The following FREM3 variants were observed in gnomAD, a reference collection of about 807,000 sequenced individuals.
The protein encoded by FREM3 is FRAS1-related extracellular matrix protein 3.
Under a neutral mutation model 129.1 loss-of-function variants are expected in FREM3, and 105 were observed. The observed-to-expected ratio is 0.81, with a 90% CI of 0.69 to 0.96. The LOEUF (loss-of-function observed/expected upper bound fraction) is 0.96. Ranked by LOEUF, FREM3 falls within the 40% of genes least tolerant of loss-of-function variation. The pLI is 0.00. For missense variants in FREM3, 2,593 were observed against 2,666.3 expected (o/e 0.97, Z 0.61); for synonymous variants, 1,014 against 1,044.9 (o/e 0.97, Z 0.57).
At chr4:143,664,135 C>T (rs937092230) in intron 2 of FREM3, among the ~76,000 whole-genome samples, 2 of 152,158 alleles carry the variant, frequency 1.3e-5, no homozygotes, top group African/African-American at 2.4e-5. Flanking sequence ...TGAGGAACTG[C>T]ATTCCTTTGG....
At chr4:143,693,839 G>A (rs1740518285) in intron 1 of FREM3, among the ~76,000 whole-genome samples, 1 of 152,114 alleles carries the variant, frequency 6.6e-6, no homozygotes, top group African/African-American at 2.4e-5. Context: ...GATAGAGCTG[G>A]AGGCTATTAT....
At chr4:143,584,045 C>T (rs1032492660) in intron 7 of FREM3, among the ~76,000 whole-genome samples, 1 of 152,232 alleles carries the variant, frequency 6.6e-6, no homozygotes, top group African/African-American at 2.4e-5. Flanking sequence ...GATCCAACCA[C>T]ATGCTGTCTT....
At chr4:143,595,683 C>CG (rs1738461824) in intron 6 of FREM3, among the ~76,000 whole-genome samples, 1 of 152,012 alleles carries the variant, frequency 6.6e-6, no homozygotes, top group Non-Finnish European at 1.5e-5. Flanking sequence ...GTCTGCAGAT[C>CG]AAGACCATCC....
rs777357421 is a variant in FREM3 at position 143,699,023 on chromosome 4, T to C, written c.1653A>G (p.Gly551=). 1.2e-5 allele frequency: 19 copies of C among 1,537,204 alleles called. No individual in the cohort carries two copies. The highest frequency in any genetic ancestry group is 4.8e-5 in the South Asian group (4 of 84,054). The part of the protein sequence containing the change: ...DEPPMVNTNT[G]LSLTEGQVVQ... Reference sequence around the variant, plus strand: ...CCACCTGCCCTTCAGTGAGTGAGAGTCCTGTGTTAGTATTGACCATTGGTG... The same window carrying C: ...CCACCTGCCCTTCAGTGAGTGAGAGCCCTGTGTTAGTATTGACCATTGGTG... The change falls in exon 1 of 8, where the codon GGA becomes GGG. Residue 551 remains glycine (G), a synonymous_variant. Coordinates refer to ENST00000329798, the MANE Select transcript of FREM3 (RefSeq NM_001168235.2). This position sits in a 1 kb window ranked among gnomAD's most constrained non-coding sequence, Gnocchi z 4.2.
At position 143,695,498 on chromosome 4, in the gene FREM3, A is replaced by T. The variant is rs1215748858; in HGVS notation, c.5178T>A (p.Phe1726Leu). ...GGAAGAATACATACTAACCTTGTGT[A>T]AACACTCGAGTGCTCTGGTTTCCAA... ...TGLGNQSTRV[F>L]TQADIDEMKI... The change falls in exon 1 of 8, where the codon TTT becomes TTA. Residue 1726 changes from phenylalanine (F) to leucine (L), a missense_variant. Physicochemically the swap from Phe to Leu is conservative, Grantham distance 22. Transcript: ENST00000329798. 3 of 1,536,610 alleles carry T rather than the reference A, an allele frequency of 2.0e-6. No homozygotes were observed. The Admixed American group carries it at 5.9e-5, about 30-fold the overall frequency.
chr4:143,694,404 G>T (rs1740528540), intron 1 of FREM3, among the ~76,000 whole-genome samples: 1 of 152,036 alleles, frequency 6.6e-6, no homozygotes, highest in African/African-American at 2.4e-5. Context: ...AAGAAAATGA[G>T]AATAAAATCA....
intron 2 of FREM3, among the ~76,000 whole-genome samples, chr4:143,683,114 A>G (rs1740285537): frequency 2.0e-5 from 3 of 152,216 alleles, no homozygotes; most frequent in African/African-American, 7.2e-5. Context: ...CTAAAGTCGC[A>G]CAAGAACATG....
Position 143,577,741 on chromosome 4 carries a change from C to T in FREM3, c.6290G>A (p.Gly2097Asp). Residue 2097 changes from glycine (G) to aspartate (D), a missense_variant, in exon 8 of 8, where the codon GGC becomes GAC. This residue lies in a region of FREM3 where 317 missense variants were observed against 399.0 expected (regional missense o/e 0.79). Transcript: ENST00000329798. ...LDDLGQPTLE[G>D]PEKFELLLQM... Reference sequence around the variant, plus strand: ...AAGAAGTAATTCAAACTTCTCTGGGCCTTCCAAGGTAGGCTGTCCCAGGTC... The same window carrying T: ...AAGAAGTAATTCAAACTTCTCTGGGTCTTCCAAGGTAGGCTGTCCCAGGTC... 1 of 1,537,298 alleles carries T rather than the reference C, an allele frequency of 6.5e-7. No individual in the cohort carries two copies. Among genetic ancestry groups the T allele is most frequent in the Non-Finnish European group, 8.7e-7 (1 of 1,146,926 alleles).
At chr4:143,646,825 C>T (rs951057327) in intron 2 of FREM3, among the ~76,000 whole-genome samples, 6 of 152,076 alleles carry the variant, frequency 3.9e-5, no homozygotes, top group Non-Finnish European at 7.3e-5. Flanking sequence ...AATGTGGAAG[C>T]GACTTTGGAA....
chr4:143,693,319 A>G, intron 1 of FREM3, 117 bp from the exon 2 acceptor site: 1 of 441,052 alleles, frequency 2.3e-6, no homozygotes, highest in Non-Finnish European at 4.0e-6. Flanking sequence ...ATTTTAAAAT[A>G]GTGATTGAGT....
At chr4:143,582,723 C>T (rs543320755) in intron 7 of FREM3, among the ~76,000 whole-genome samples, 42 of 151,826 alleles carry the variant, frequency 2.8e-4, no homozygotes, top group Admixed American at 1.1e-3. Context: ...TAAAGATCAT[C>T]GAGAATCAGG....
chr4:143,586,117 GT>G (rs111849944), intron 6 of FREM3, 124 bp from the exon 7 acceptor site: 4 of 899,046 alleles, frequency 4.4e-6, no homozygotes, highest in Non-Finnish European at 6.5e-6. Flanking sequence ...CATAGGTCTT[GT>G]TTTTTTATAT....
chr4:143,682,290 A>G (rs980110323), intron 2 of FREM3, among the ~76,000 whole-genome samples: 3 of 152,164 alleles, frequency 2.0e-5, no homozygotes, highest in Non-Finnish European at 2.9e-5. Context: ...ACTCCCTTTG[A>G]CCTTTTCTGC....
chr4:143,614,860 T>G (rs995358473), intron 5 of FREM3, among the ~76,000 whole-genome samples: 1 of 152,116 alleles, frequency 6.6e-6, no homozygotes, highest in African/African-American at 2.4e-5. Flanking sequence ...AGGGAAGAGG[T>G]GCACAGAATC....
Position 143,595,470 on chromosome 4 carries a change from G to C in FREM3, c.6029-9477C>G, listed in dbSNP as rs75455551. Among the ~76,000 whole-genome samples, 661 of 152,280 alleles carry C rather than the reference G, an allele frequency of 4.3e-3. 4 individuals carry two copies. Among genetic ancestry groups the C allele is most frequent in the African/African-American group, 0.015 (637 of 41,548 alleles). Reference sequence around the variant, plus strand: ...ATCCCCTATGTGCTGTAAGCATGGTGCTAGTTACTGGGAATGTAAACAGAT... The same window carrying C: ...ATCCCCTATGTGCTGTAAGCATGGTCCTAGTTACTGGGAATGTAAACAGAT... On this transcript the variant is annotated intron_variant, in intron 6 of 7. Transcript: ENST00000329798.
chr4:143,696,667 A>G lies in FREM3; in HGVS notation c.4009T>C (p.Ser1337Pro). The change falls in exon 1 of 8, where the codon TCA (serine) becomes CCA (proline). Residue 1337 changes from serine (S) to proline (P), a missense_variant. Physicochemically the swap from Ser to Pro is moderately conservative, Grantham distance 74. Around this residue, in one of 2 missense-constraint regions of FREM3, gnomAD observed 2,276 missense variants for 2,267.2 expected, o/e 1.00. Coordinates refer to ENST00000329798, the MANE Select transcript of FREM3 (RefSeq NM_001168235.2). ...ACAAAACTGAGGCTTTTATCATCTG[A>G]GTCAAGATCTGTGGCCTTGAGGATC... ...NRILKATDLDSDDKSLSFVLH... is the reference protein window; with the variant it reads ...NRILKATDLDPDDKSLSFVLH... 6.5e-7 allele frequency: 1 copy of G among 1,537,880 alleles called. No individual in the cohort carries two copies. Among genetic ancestry groups the G allele is most frequent in the South Asian group, 1.2e-5 (1 of 84,054 alleles).
rs575797671 is a variant in FREM3 at position 143,660,516 on chromosome 4, G to A, written c.5275+32597C>T. 1.6e-4 allele frequency among the ~76,000 whole-genome samples: 24 copies of A among 152,278 alleles called. No homozygotes were observed. The East Asian group carries it at 2.5e-3, about 16-fold the overall frequency. Reference sequence around the variant, plus strand: ...GTAGTATAGTTTGAAGTCGAGTAGCGTGATGCCTCCAGCTTTGTTCTTTTG... The same window carrying A: ...GTAGTATAGTTTGAAGTCGAGTAGCATGATGCCTCCAGCTTTGTTCTTTTG... On this transcript the variant is annotated intron_variant, in intron 2 of 7. Transcript: ENST00000329798.
Position 143,696,604 on chromosome 4 carries a change from G to A in FREM3, c.4072C>T (p.Leu1358=), listed in dbSNP as rs1740573731. 6.5e-7 allele frequency: 1 copy of A among 1,537,662 alleles called. No homozygotes were observed. The highest frequency in any genetic ancestry group is 2.0e-5 in the Admixed American group (1 of 50,998). Residue 1358 remains leucine (L), a synonymous_variant, in exon 1 of 8, where the codon CTG becomes TTG. Transcript: ENST00000329798. The part of the protein sequence containing the change: ...SGPQQGLLQR[L]RKPRGEVRNN... ...CTCACTTCTCCTCTGGGTTTTCTCAGCCTCTGTAGAAGCCCTTGTTGAGGC... is the reference window on the plus strand; with the variant it reads ...CTCACTTCTCCTCTGGGTTTTCTCAACCTCTGTAGAAGCCCTTGTTGAGGC...
rs750809003 is a variant in FREM3 at position 143,595,889 on chromosome 4, G to GGAAAAA, written c.6029-9897_6029-9896insTTTTTC. Among the ~76,000 whole-genome samples the GGAAAAA allele has an allele frequency of 3.5e-4, 39 of 110,666 alleles. 6 individuals carry two copies. Among genetic ancestry groups the GGAAAAA allele is most frequent in the South Asian group, 1.2e-3 (4 of 3,384 alleles). The allele number at this position is 110,666 out of a possible 152,430, so 72.6% of individuals were successfully genotyped here. ...GGCGACAGAGCGAGACGCCATCTCA[G>GGAAAAA]AAAAAAAAAAAAAAAGAAGGAACTG... is the stretch of plus-strand genomic sequence containing the variant. On this transcript the variant is annotated intron_variant, in intron 6 of 7. Transcript: ENST00000329798.
Sources: allele counts gnomAD v4.1 joint callset (sites outside exome capture counted in the v4.1 genomes callset), GRCh38; gene constraint gnomAD v4.1.1; regional missense constraint gnomAD v4.1.1; non-coding constraint Gnocchi (gnomAD v3.1); transcripts MANE v1.5; gene names NCBI Gene and HGNC (gene_info 2026-07-23, HGNC 2026-07-21).